The following ACER3 variants were observed in gnomAD, a reference collection of about 807,000 sequenced individuals.
ACER3 encodes alkaline ceramidase 3.
ACER3 carries 16 observed loss-of-function variants against 48.9 expected under a neutral mutation model. That is an observed-to-expected ratio of 0.33 (90% CI 0.22 to 0.50). The LOEUF (loss-of-function observed/expected upper bound fraction) is 0.50, where lower values mean the gene tolerates loss of function less well. ACER3 is among the 20% of genes least tolerant of loss of function. The pLI is 0.98. For missense variants in ACER3, 227 were observed against 326.0 expected (o/e 0.70, Z 2.34); for synonymous variants, 109 against 107.8 (o/e 1.01, Z -0.07).
At chr11:76,971,385 C>T (rs1948296413) in intron 3 of ACER3, among the ~76,000 whole-genome samples, 1 of 152,004 alleles carries the variant, frequency 6.6e-6, no homozygotes, top group African/African-American at 2.4e-5. Context: ...ACTAAAAATA[C>T]AAACATTAGC....
chr11:76,882,678 G>A (rs996508320), intron 1 of ACER3, among the ~76,000 whole-genome samples: 6 of 152,142 alleles, frequency 3.9e-5, no homozygotes, highest in African/African-American at 1.4e-4. Context: ...TTCTTCATAT[G>A]TTAGGTAATT....
In ACER3 at chr11:77,024,289, A is replaced by G. The variant is rs1949518903; in HGVS notation, c.*3962A>G. 1 of 138,620 alleles carries G rather than the reference A, an allele frequency of 7.2e-6. No individual in the cohort carries two copies. Among genetic ancestry groups the G allele is most frequent in the Non-Finnish European group, 1.5e-5 (1 of 67,332 alleles). 8.6% of individuals were successfully genotyped at this position (138,620 alleles called of 1,614,324 possible). Reference sequence around the variant, plus strand: ...CCCTGTCTCAAAAAAAAAAAAAAAAAAAAAAAAAAAAAGAATTAGGAAATA... The same window carrying G: ...CCCTGTCTCAAAAAAAAAAAAAAAAGAAAAAAAAAAAAGAATTAGGAAATA... On this transcript the variant is annotated 3_prime_UTR_variant, in exon 11 of 11. Transcript: ENST00000532485.
At chr11:76,905,130 G>A (rs1946190912) in intron 1 of ACER3, among the ~76,000 whole-genome samples, 2 of 152,116 alleles carry the variant, frequency 1.3e-5, no homozygotes, top group African/African-American at 4.8e-5. Flanking sequence ...GGGTTTACAA[G>A]CATGAGCCAC....
chr11:76,862,475 A>G (rs1221707832), intron 1 of ACER3, among the ~76,000 whole-genome samples: 1 of 152,214 alleles, frequency 6.6e-6, no homozygotes, highest in Non-Finnish European at 1.5e-5. Context: ...TTGGCAAAGG[A>G]AGCGCTTTAC....
At chr11:76,875,745 T>G (rs1444331082) in intron 1 of ACER3, among the ~76,000 whole-genome samples, 6 of 136,392 alleles carry the variant, frequency 4.4e-5, no homozygotes, top group Non-Finnish European at 9.4e-5. Context: ...TTTTTTTTTT[T>G]TTTTTTTTTT....
At chr11:77,005,726 T>C (rs1352426707) in intron 7 of ACER3, among the ~76,000 whole-genome samples, 1 of 151,854 alleles carries the variant, frequency 6.6e-6, no homozygotes, top group Non-Finnish European at 1.5e-5. Context: ...CACATAGCTA[T>C]CTTCTTATAA....
chr11:76,962,883 T>C (rs776696412), intron 3 of ACER3, among the ~76,000 whole-genome samples: 1 of 151,274 alleles, frequency 6.6e-6, no homozygotes, highest in Non-Finnish European at 1.5e-5. Context: ...CCAATAGGTG[T>C]TCCTGGAACT....
Position 76,984,191 on chromosome 11 carries a change from A to G in ACER3, c.321-1452A>G, listed in dbSNP as rs11237051. ...TTAGGCATGATCCTAGGCTCTGTAG[A>G]TACAGAATCAGGAACTCATTGTCTG... On this transcript the variant is annotated intron_variant, in intron 4 of 10. Coordinates refer to ENST00000532485, the MANE Select transcript of ACER3 (RefSeq NM_018367.7). Among the ~76,000 whole-genome samples, 224 of 152,290 alleles carry G rather than the reference A, an allele frequency of 1.5e-3. 2 individuals are homozygous for G. Among genetic ancestry groups the G allele is most frequent in the African/African-American group, 5.1e-3 (213 of 41,568 alleles).
chr11:76,938,548 G>A (rs1047080505), intron 2 of ACER3, among the ~76,000 whole-genome samples: 1 of 152,044 alleles, frequency 6.6e-6, no homozygotes, highest in African/African-American at 2.4e-5. Context: ...TGAATTCCTG[G>A]CCCCAAGAAA....
intron 4 of ACER3, among the ~76,000 whole-genome samples, chr11:76,984,583 G>A (rs1215161859): frequency 6.6e-6 from 1 of 152,080 alleles, no homozygotes; most frequent in Non-Finnish European, 1.5e-5. Context: ...ATGGCCAATT[G>A]TCTGTTCATA....
At chr11:76,978,261 G>A (rs150471309) in intron 4 of ACER3, 6 of 152,380 alleles carry the variant, frequency 3.9e-5, no homozygotes, top group African/African-American at 7.2e-5. Context: ...TGGAGTCTGT[G>A]GCCCAGAGTG....
chr11:76,941,053 G>A (rs11237024), intron 2 of ACER3, among the ~76,000 whole-genome samples: 80 of 144,678 alleles, frequency 5.5e-4, no homozygotes, highest in Middle Eastern at 3.5e-3. Flanking sequence ...ACACACACAC[G>A]CACACAGAAA....
intron 2 of ACER3, among the ~76,000 whole-genome samples, chr11:76,929,660 TGA>T (rs1946940061): frequency 6.6e-6 from 1 of 152,242 alleles, no homozygotes; most frequent in East Asian, 1.9e-4. Flanking sequence ...CCTAATTTAT[TGA>T]GAGTTTTTAG....
chr11:76,933,166 C>T lies in ACER3; in HGVS notation c.214+6499C>T, dbSNP rs554485028. Among the ~76,000 whole-genome samples the T allele has an allele frequency of 5.6e-4, 33 of 59,026 alleles. 1 individual carries two copies. Among genetic ancestry groups the T allele is most frequent in the African/African-American group, 1.3e-3 (29 of 22,924 alleles). The allele number at this position is 59,026 out of a possible 152,430, so 38.7% of individuals were successfully genotyped here. On this transcript the variant is annotated intron_variant, in intron 2 of 10. Transcript: ENST00000532485. ...CCTTCACTGCTTCCCCAAATATATA[C>T]GTATTTCATATATATATATATATAT... is the stretch of plus-strand genomic sequence containing the variant.
chr11:76,897,119 G>A (rs1002624973), intron 1 of ACER3, among the ~76,000 whole-genome samples: 1 of 152,022 alleles, frequency 6.6e-6, no homozygotes, highest in African/African-American at 2.4e-5. Flanking sequence ...CACTACACCT[G>A]GCTAATTTTT....
At chr11:76,914,408 A>C (rs1946467815) in intron 1 of ACER3, among the ~76,000 whole-genome samples, 1 of 152,242 alleles carries the variant, frequency 6.6e-6, no homozygotes, top group South Asian at 2.1e-4. Flanking sequence ...ACTTCTCAAA[A>C]GAAGACATTT....
At chr11:76,890,895 G>A (rs978920401) in intron 1 of ACER3, among the ~76,000 whole-genome samples, 4 of 151,988 alleles carry the variant, frequency 2.6e-5, no homozygotes, top group African/African-American at 4.8e-5. Context: ...TGAGGCAGGC[G>A]GATCACCTGA....
At chr11:76,861,715 G>C (rs1384971804) in intron 1 of ACER3, among the ~76,000 whole-genome samples, 1 of 152,162 alleles carries the variant, frequency 6.6e-6, no homozygotes, top group African/African-American at 2.4e-5. Flanking sequence ...TCTTGCACCA[G>C]GAGTCGAAGG....
chr11:76,884,062 C>G (rs1945608395), intron 1 of ACER3, among the ~76,000 whole-genome samples: 1 of 152,138 alleles, frequency 6.6e-6, no homozygotes, highest in Admixed American at 6.5e-5. Flanking sequence ...GTCTCAAACC[C>G]TGTGTGTTAT....
Sources: gnomAD v4.1 joint callset for allele counts (sites outside exome capture counted in the v4.1 genomes callset) on GRCh38, gnomAD v4.1.1 for gene constraint, MANE v1.5 for transcripts, NCBI Gene and HGNC (gene_info 2026-07-23, HGNC 2026-07-21) for gene names.